RGS6: variants seen among roughly 807,000 people sequenced by gnomAD.
RGS6 encodes the protein regulator of G protein signaling 6, also known as regulator of G-protein signaling 6.
RGS6 carries 30 observed loss-of-function variants against 78.5 expected under a neutral mutation model. That is an observed-to-expected ratio of 0.38 (90% CI 0.29 to 0.52). The LOEUF is 0.52. RGS6 is among the 20% of genes least tolerant of loss of function. RGS6 has a pLI of 0.85. For synonymous variants in RGS6, 206 were observed against 206.0 expected (o/e 1.00, Z 0.00); for missense variants, 495 against 609.7 (o/e 0.81, Z 1.98).
At chr14:72,471,048 A>T (rs2096065127) in intron 8 of RGS6, among the ~76,000 whole-genome samples, 1 of 152,110 alleles carries the variant, frequency 6.6e-6, no homozygotes, top group African/African-American at 2.4e-5. Context: ...AGTTTTCTGC[A>T]TGCAGAGAGC....
intron 2 of RGS6, among the ~76,000 whole-genome samples, chr14:72,014,598 C>G (rs773619105): frequency 4.6e-5 from 7 of 152,092 alleles, no homozygotes; most frequent in Non-Finnish European, 1.0e-4. Flanking sequence ...TGTCATGAGA[C>G]TTGAGCATTT....
chr14:71,934,288 A>G (rs894631656), intron 1 of RGS6, among the ~76,000 whole-genome samples: 1 of 152,226 alleles, frequency 6.6e-6, no homozygotes, highest in Admixed American at 6.5e-5. Context: ...CTCATGCACC[A>G]TAAACTATAT....
At chr14:71,959,009 G>GA (rs2093001247) in intron 1 of RGS6, among the ~76,000 whole-genome samples, 5 of 152,108 alleles carry the variant, frequency 3.3e-5, no homozygotes, top group Admixed American at 2.6e-4. Flanking sequence ...TAAAATACTG[G>GA]GTGTCTTCCA....
chr14:72,079,740 T>C (rs1332987019), intron 2 of RGS6, among the ~76,000 whole-genome samples: 1 of 152,216 alleles, frequency 6.6e-6, no homozygotes, highest in East Asian at 1.9e-4. Flanking sequence ...ACTCTGTTCC[T>C]ATGAGTTCAA....
At chr14:72,584,460 G>T in the RGS6 span, among the ~76,000 whole-genome samples, 1 of 152,312 alleles carries the variant, frequency 6.6e-6, no homozygotes, top group Non-Finnish European at 1.5e-5. Flanking sequence ...TTTAGATTGG[G>T]TGGTCAAGGA....
At chr14:72,325,580 A>C (rs1263604416) in intron 2 of RGS6, among the ~76,000 whole-genome samples, 2 of 152,182 alleles carry the variant, frequency 1.3e-5, no homozygotes, top group East Asian at 3.8e-4. Context: ...ATGGCTAGCC[A>C]GTTTTCCCAG....
the RGS6 span, among the ~76,000 whole-genome samples, chr14:71,876,659 C>G: frequency 6.6e-6 from 1 of 151,846 alleles, no homozygotes; most frequent in Non-Finnish European, 1.5e-5. Flanking sequence ...TTAATTGGAG[C>G]ATTTAGCCCA....
intron 2 of RGS6, among the ~76,000 whole-genome samples, chr14:71,991,496 G>T (rs368243747): frequency 6.6e-6 from 1 of 152,110 alleles, no homozygotes; most frequent in Non-Finnish European, 1.5e-5. Flanking sequence ...ATTAAAACAG[G>T]TTATTTCCTT....
chr14:72,431,177 G>A (rs1241970424), intron 3 of RGS6, among the ~76,000 whole-genome samples: 2 of 152,162 alleles, frequency 1.3e-5, no homozygotes, highest in Non-Finnish European at 2.9e-5. Flanking sequence ...GGATTCTTTA[G>A]GTGGACCAGA....
At chr14:71,880,153 G>T in the RGS6 span, among the ~76,000 whole-genome samples, 1 of 152,200 alleles carries the variant, frequency 6.6e-6, no homozygotes, top group East Asian at 1.9e-4. Flanking sequence ...TGAGGGAGAT[G>T]ATTTAGGGTA....
At chr14:72,303,635 C>T (rs2066588763) in intron 2 of RGS6, among the ~76,000 whole-genome samples, 1 of 152,180 alleles carries the variant, frequency 6.6e-6, no homozygotes. Context: ...GTTATATGTA[C>T]ATGATACAAA....
intron 11 of RGS6, 181 bp downstream of exon 11, chr14:72,477,021 AAG>A: frequency 1.7e-6 from 1 of 584,832 alleles, no homozygotes; most frequent in Non-Finnish European, 3.0e-6. Context: ...GCTTGAGAGA[AAG>A]AATTCTCTAC....
intron 2 of RGS6, among the ~76,000 whole-genome samples, chr14:72,322,280 C>A (rs2072303574): frequency 6.6e-6 from 1 of 151,836 alleles, no homozygotes; most frequent in Non-Finnish European, 1.5e-5. Context: ...ATCAATAAAT[C>A]ATTAGTAAAC....
At chr14:72,214,933 G>GATTTGCA (rs1334147701) in intron 2 of RGS6, among the ~76,000 whole-genome samples, 3 of 152,172 alleles carry the variant, frequency 2.0e-5, no homozygotes, top group Non-Finnish European at 4.4e-5. Flanking sequence ...GAGATTTGAA[G>GATTTGCA]ATTTGCAATT....
chr14:72,188,103 G>A (rs2097272003), intron 2 of RGS6, among the ~76,000 whole-genome samples: 1 of 151,810 alleles, frequency 6.6e-6, no homozygotes. Context: ...GTTCCTAAGT[G>A]CAAGAAGGCT....
rs74062461 is a variant in RGS6 at position 72,235,354 on chromosome 14, C to T, written c.85-116741C>T. ...TCTGGGGGTCCTTGTGTCCCTACATCGTCTTAAAGAACCAGCCTGGGACAG... is the reference window on the plus strand; with the variant it reads ...TCTGGGGGTCCTTGTGTCCCTACATTGTCTTAAAGAACCAGCCTGGGACAG... On this transcript the variant is annotated intron_variant, in intron 2 of 17. Transcript: ENST00000553525. Among the ~76,000 whole-genome samples the T allele has an allele frequency of 3.5e-4, 53 of 152,288 alleles. 1 individual carries two copies. Among genetic ancestry groups the T allele is most frequent in the African/African-American group, 1.2e-3 (50 of 41,568 alleles).
chr14:72,152,604 A>G (rs990062893), intron 2 of RGS6, among the ~76,000 whole-genome samples: 1 of 152,196 alleles, frequency 6.6e-6, no homozygotes, highest in Non-Finnish European at 1.5e-5. Context: ...AACGTTTACC[A>G]GTAAGATATG....
At chr14:71,867,432 C>G in the RGS6 span, among the ~76,000 whole-genome samples, 16 of 124,776 alleles carry the variant, frequency 1.3e-4, no homozygotes, top group African/African-American at 5.3e-4. Context: ...TCCTAGTCTC[C>G]CATCCCATCA....
chr14:72,081,987 T>G (rs56823365), intron 2 of RGS6, among the ~76,000 whole-genome samples: 11,636 of 152,112 alleles, frequency 0.076, 481 homozygotes, highest in African/African-American at 0.1. Flanking sequence ...TTTAACAGTA[T>G]GGTTATATTT....
Sources: gnomAD v4.1 joint callset for allele counts (sites outside exome capture counted in the v4.1 genomes callset) on GRCh38, gnomAD v4.1.1 for gene constraint, MANE v1.5 for transcripts, NCBI Gene and HGNC (gene_info 2026-07-23, HGNC 2026-07-21) for gene names.